CRADD: variants seen among roughly 807,000 people sequenced by gnomAD.
CRADD encodes death domain-containing protein CRADD.
CRADD carries 9 observed loss-of-function variants against 15.5 expected under a neutral mutation model. The observed-to-expected ratio is 0.58, with a 90% CI of 0.35 to 1.01. CRADD has a LOEUF of 1.01. Ranked by LOEUF, CRADD falls within the 50% of genes least tolerant of loss-of-function variation. CRADD has a pLI of 0.02. For synonymous variants in CRADD, 118 were observed against 107.6 expected (o/e 1.10, Z -0.60); for missense variants, 227 against 250.3 (o/e 0.91, Z 0.63).
At chr12:93,861,484 C>T (rs1328960588) in intron 2 of CRADD, among the ~76,000 whole-genome samples, 2 of 152,206 alleles carry the variant, frequency 1.3e-5, no homozygotes, top group Non-Finnish European at 2.9e-5. Flanking sequence ...GCTGTCAGCC[C>T]TCTTCAAGTA....
chr12:93,800,093 A>G (rs1593000684), intron 2 of CRADD, among the ~76,000 whole-genome samples: 1 of 152,194 alleles, frequency 6.6e-6, no homozygotes, highest in African/African-American at 2.4e-5. Flanking sequence ...ATAAATATAG[A>G]TATGAAATTT....
chr12:93,678,471 A>G (rs1955207112), intron 1 of CRADD, among the ~76,000 whole-genome samples: 1 of 150,912 alleles, frequency 6.6e-6, no homozygotes, highest in African/African-American at 2.4e-5. Flanking sequence ...AGGGTCTCTG[A>G]CCCACTTTTT....
chr12:93,853,733 G>C (rs111555632), downstream of CRADD, among the ~76,000 whole-genome samples: 97 of 152,308 alleles, frequency 6.4e-4, no homozygotes, highest in Non-Finnish European at 7.8e-4. Flanking sequence ...ATTTCCACAA[G>C]AGTACGTGTT....
chr12:93,850,026 C>T lies in CRADD; in HGVS notation c.355C>T (p.Gln119Ter). 6.2e-7 allele frequency: 1 copy of T among 1,611,226 alleles called. No homozygotes were observed. Residue 119 changes from glutamine to a stop codon, truncating the protein, a stop_gained, in exon 3 of 3, where the codon CAG becomes TAG. Transcript: ENST00000332896. LOFTEE classifies it high-confidence loss of function. This position sits in a 1 kb window ranked among gnomAD's most constrained non-coding sequence, Gnocchi z 4.0. Reference sequence around the variant, plus strand: ...CCTCAACAGCTCCCCATCAGACCGGCAGATTAACCAGCTGGCCCAGAGGCT... The same window carrying T: ...CCTCAACAGCTCCCCATCAGACCGGTAGATTAACCAGCTGGCCCAGAGGCT... ...HILNSSPSDRQINQLAQRLGP... is the reference protein window; with the variant it reads ...HILNSSPSDR
intron 2 of CRADD, among the ~76,000 whole-genome samples, chr12:93,760,760 T>G (rs1458011549): frequency 7.1e-6 from 1 of 141,260 alleles, no homozygotes; most frequent in Non-Finnish European, 1.6e-5. Flanking sequence ...TTATCCTGGG[T>G]GAGTGTGAGA....
At chr12:93,810,614 C>A (rs116148395) in intron 2 of CRADD, among the ~76,000 whole-genome samples, 1,558 of 138,048 alleles carry the variant, frequency 0.011, 30 homozygotes, top group African/African-American at 0.04. Flanking sequence ...TCACTAGGCC[C>A]TTTGCAGAAT....
intron 2 of CRADD, among the ~76,000 whole-genome samples, chr12:93,821,286 A>G (rs984319582): frequency 1.3e-5 from 2 of 152,144 alleles, no homozygotes; most frequent in African/African-American, 2.4e-5. Context: ...TTCTATACTC[A>G]TTTATATTCC....
At chr12:93,800,036 A>G (rs1378748102) in intron 2 of CRADD, among the ~76,000 whole-genome samples, 3 of 152,226 alleles carry the variant, frequency 2.0e-5, no homozygotes, top group Non-Finnish European at 4.4e-5. Context: ...GATAGATGAT[A>G]TGATATTAAT....
chr12:93,736,847 C>T (rs1176413349), intron 2 of CRADD, among the ~76,000 whole-genome samples: 1 of 152,224 alleles, frequency 6.6e-6, no homozygotes, highest in Non-Finnish European at 1.5e-5. Context: ...AGCTGTAAAT[C>T]ATTTCATAGC....
chr12:93,858,114 C>T (rs1457352997), intron 2 of CRADD, among the ~76,000 whole-genome samples: 3 of 152,158 alleles, frequency 2.0e-5, no homozygotes, highest in African/African-American at 7.2e-5. Context: ...TTTTGTCACT[C>T]ATTATTGTCA....
At chr12:93,738,255 G>C in intron 2 of CRADD, 2 of 640,296 alleles carry the variant, frequency 3.1e-6, no homozygotes, top group Non-Finnish European at 5.6e-6. Context: ...CTGGAGAAGA[G>C]AAGGGCCAAA....
chr12:93,833,593 C>A (rs1357724016), intron 2 of CRADD, among the ~76,000 whole-genome samples: 2 of 152,108 alleles, frequency 1.3e-5, no homozygotes, highest in Non-Finnish European at 2.9e-5. Flanking sequence ...CGACCCTCCC[C>A]CCTTGGCCTT....
At chr12:93,773,814 T>TTG (rs386377407) in intron 2 of CRADD, among the ~76,000 whole-genome samples, 1 of 33,036 alleles carries the variant, frequency 3.0e-5, no homozygotes, top group African/African-American at 1.6e-4. Context: ...ACTTTGTGAG[T>TTG]TTTTTTTTTT....
At chr12:93,685,794 C>A (rs1955415401) in intron 2 of CRADD, among the ~76,000 whole-genome samples, 1 of 152,084 alleles carries the variant, frequency 6.6e-6, no homozygotes, top group African/African-American at 2.4e-5. Context: ...GAGTTTGAGA[C>A]CAGCCTGGCC....
At chr12:93,795,372 T>C (rs1957402765) in intron 2 of CRADD, among the ~76,000 whole-genome samples, 1 of 152,196 alleles carries the variant, frequency 6.6e-6, no homozygotes, top group Admixed American at 6.5e-5. Flanking sequence ...TTCAACATTC[T>C]TAAATAGGTT....
At chr12:93,736,354 G>T (rs994028601) in intron 2 of CRADD, among the ~76,000 whole-genome samples, 5 of 152,172 alleles carry the variant, frequency 3.3e-5, no homozygotes, top group African/African-American at 1.2e-4. Context: ...TACTAGAAAA[G>T]AGTGACCACA....
rs73365258 is a variant in CRADD, at chr12:93,850,225, G to T, written c.554G>T (p.Arg185Leu). 3 of 1,610,502 alleles carry T rather than the reference G, an allele frequency of 1.9e-6. No individual in the cohort carries two copies. The highest frequency in any genetic ancestry group is 2.5e-6 in the Non-Finnish European group (3 of 1,178,132). ...ATFQSLHNGL[R>L]AVEVDPSLLL... ...TTCCAGAGCCTGCACAACGGGCTGC[G>T]GGCTGTGGAGGTGGACCCCTCGCTG... The change falls in exon 3 of 3, where the codon CGG (arginine) becomes CTG (leucine). Residue 185 changes from arginine (R) to leucine (L), a missense_variant. Coordinates refer to ENST00000332896, the MANE Select transcript of CRADD (RefSeq NM_003805.5). This position sits in a 1 kb window ranked among gnomAD's most constrained non-coding sequence, Gnocchi z 4.0.
chr12:93,803,122 C>T (rs1253067813), intron 2 of CRADD, among the ~76,000 whole-genome samples: 2 of 152,190 alleles, frequency 1.3e-5, no homozygotes, highest in Non-Finnish European at 2.9e-5. Context: ...GGTATACTCT[C>T]AGCTGTTTCC....
At position 93,753,811 on chromosome 12, in the gene CRADD, C is replaced by T. The variant is rs973940113; in HGVS notation, c.298+74739C>T. Among the ~76,000 whole-genome samples the T allele has an allele frequency of 4.0e-4, 61 of 152,240 alleles. 2 individuals carry two copies. Among genetic ancestry groups the T allele is most frequent in the African/African-American group, 1.4e-3 (58 of 41,466 alleles). On this transcript the variant is annotated intron_variant, in intron 2 of 2. Coordinates refer to ENST00000332896, the MANE Select transcript of CRADD (RefSeq NM_003805.5). ...ATAGCCCCCCTCCCAGCTGCTTTCA[C>T]TGCTGGAGTTGAGTGTCTATGGCTT...
Sources: allele counts gnomAD v4.1 joint callset (sites outside exome capture counted in the v4.1 genomes callset), GRCh38; gene constraint gnomAD v4.1.1; non-coding constraint Gnocchi (gnomAD v3.1); transcripts MANE v1.5; gene names NCBI Gene and HGNC (gene_info 2026-07-23, HGNC 2026-07-21).